Variants in ADGRE3 observed in about 807,000 individuals in gnomAD.
ADGRE3 encodes the protein EGF-like module receptor 3.
A neutral mutation model predicts 80.1 loss-of-function variants in ADGRE3; 88 were observed. The observed-to-expected ratio is 1.10, with a 90% confidence interval of 0.93 to 1.31. ADGRE3 has a LOEUF of 1.31. Among genes scored for constraint, ADGRE3 ranks in the 40% most tolerant of loss-of-function variants. The pLI, the probability that ADGRE3 is intolerant of heterozygous loss-of-function variation, is 0.00. For missense variants in ADGRE3, 715 were observed against 776.5 expected (o/e 0.92, Z 0.94); for synonymous variants, 281 against 294.8 (o/e 0.95, Z 0.48).
intron 11 of ADGRE3, among the ~76,000 whole-genome samples, chr19:14,635,003 C>T (rs1418586834): frequency 1.3e-5 from 2 of 152,178 alleles, no homozygotes; most frequent in Non-Finnish European, 2.9e-5. Context: ...AAGCCAGTTT[C>T]AGTTAGTTTA....
At chr19:14,633,776 C>T (rs1179068147) in intron 11 of ADGRE3, among the ~76,000 whole-genome samples, 3 of 109,542 alleles carry the variant, frequency 2.7e-5, no homozygotes, top group African/African-American at 7.0e-5. Flanking sequence ...ATGACAATAG[C>T]TTTTTTTTTT....
downstream of ADGRE3, among the ~76,000 whole-genome samples, chr19:14,617,322 T>TCCC (rs1599593800): frequency 2.6e-5 from 2 of 77,934 alleles, no homozygotes; most frequent in East Asian, 4.0e-4. Flanking sequence ...TTCCCCTTGC[T>TCCC]TCCCTCCCTC....
downstream of ADGRE3, among the ~76,000 whole-genome samples, chr19:14,617,361 T>TCTTG (rs2075085644): frequency 2.5e-5 from 3 of 121,246 alleles, no homozygotes; most frequent in African/African-American, 9.4e-5. Context: ...TTTCTTTCTT[T>TCTTG]CTTTCTTTCT....
At chr19:14,620,560 ATATATATATTTTTTTTTTTTTTTTTTT>A (rs1970565349) in intron 15 of ADGRE3, among the ~76,000 whole-genome samples, 1 of 23,706 alleles carries the variant, frequency 4.2e-5, no homozygotes, top group Non-Finnish European at 7.5e-5. Context: ...ATATATATAT[ATATATATATTTTTTTTTTTTTTTTTTT>A]TTTTTTTTTT....
the ADGRE3 span, among the ~76,000 whole-genome samples, chr19:14,612,944 G>A: frequency 1.9e-4 from 26 of 136,918 alleles, no homozygotes; most frequent in East Asian, 4.9e-3. Context: ...TTTTTTTTTT[G>A]TGACAGAGTC....
intron 4 of ADGRE3, among the ~76,000 whole-genome samples, chr19:14,661,102 C>A (rs1316749895): frequency 6.6e-6 from 1 of 152,000 alleles, no homozygotes; most frequent in African/African-American, 2.4e-5. Flanking sequence ...CCACCACACC[C>A]AGCTAATTTT....
chr19:14,611,507 A>C, the ADGRE3 span, among the ~76,000 whole-genome samples: 2 of 150,152 alleles, frequency 1.3e-5, no homozygotes, highest in Non-Finnish European at 2.9e-5. Flanking sequence ...CCTCCCAAGT[A>C]GCTGGGACTA....
intron 13 of ADGRE3, among the ~76,000 whole-genome samples, chr19:14,631,060 A>G (rs2894655): frequency 6.6e-6 from 1 of 151,984 alleles, no homozygotes; most frequent in Non-Finnish European, 1.5e-5. Flanking sequence ...TTAGTAGAGA[A>G]GGGGTTTCAC....
At chr19:14,637,361 C>A (rs1270966158) in intron 11 of ADGRE3, among the ~76,000 whole-genome samples, 1 of 150,298 alleles carries the variant, frequency 6.7e-6, no homozygotes, top group Non-Finnish European at 1.5e-5. Context: ...CTTCTCTCAT[C>A]TTCTCGCTTG....
chr19:14,604,049 G>T, the ADGRE3 span, among the ~76,000 whole-genome samples: 1 of 152,124 alleles, frequency 6.6e-6, no homozygotes, highest in South Asian at 2.1e-4. Context: ...TTTTCCTGCT[G>T]TTCTTGGGCA....
chr19:14,600,885 G>A, the ADGRE3 span, among the ~76,000 whole-genome samples: 4 of 140,938 alleles, frequency 2.8e-5, no homozygotes, highest in African/African-American at 1.1e-4. Context: ...CACCACGCTC[G>A]GCCTTCTTTT....
chr19:14,607,485 G>A, the ADGRE3 span, among the ~76,000 whole-genome samples: 1 of 151,814 alleles, frequency 6.6e-6, no homozygotes, highest in Non-Finnish European at 1.5e-5. Flanking sequence ...TTACAGGCGT[G>A]AGCCACCGCG....
intron 11 of ADGRE3, among the ~76,000 whole-genome samples, chr19:14,636,673 G>T (rs1178510103): frequency 6.6e-6 from 1 of 152,082 alleles, no homozygotes; most frequent in East Asian, 1.9e-4. Context: ...AGGATTCACT[G>T]CCAGGTCAGC....
chr19:14,649,191 CCT>C (rs775759889), intron 7 of ADGRE3, among the ~76,000 whole-genome samples: 5 of 139,486 alleles, frequency 3.6e-5, no homozygotes, highest in Non-Finnish European at 7.8e-5. Context: ...CACCTCTCTC[CCT>C]CTCTCTCTTT....
chr19:14,659,822 G>GGAAAAAAA (rs576784578), intron 4 of ADGRE3, among the ~76,000 whole-genome samples: 3 of 44,818 alleles, frequency 6.7e-5, no homozygotes, highest in Non-Finnish European at 1.2e-4. Context: ...CTCTGCCTCT[G>GGAAAAAAA]AAAAAAAAAA....
intron 7 of ADGRE3, among the ~76,000 whole-genome samples, chr19:14,650,302 ATC>A (rs2146864713): frequency 8.5e-6 from 1 of 117,556 alleles, no homozygotes; most frequent in Admixed American, 9.1e-5. Context: ...CACTCTCCCC[ATC>A]TCTCTTTTCT....
intron 14 of ADGRE3, among the ~76,000 whole-genome samples, 174 bp downstream of exon 14, chr19:14,629,865 T>G (rs181223913): frequency 2.0e-5 from 3 of 152,186 alleles, no homozygotes; most frequent in African/African-American, 4.8e-5. Flanking sequence ...TGTTAATAAA[T>G]GATGTATCTT....
chr19:14,651,946 G>A (rs936604001), intron 6 of ADGRE3, among the ~76,000 whole-genome samples: 1 of 152,152 alleles, frequency 6.6e-6, no homozygotes, highest in African/African-American at 2.4e-5. Context: ...GGAGGCTGAG[G>A]CACGAGAATA....
intron 2 of ADGRE3, among the ~76,000 whole-genome samples, chr19:14,666,005 G>T: frequency 9.7e-6 from 1 of 102,926 alleles, no homozygotes; most frequent in African/African-American, 3.6e-5. Flanking sequence ...CGTGTTGATT[G>T]ATGGGCATTT....
Sources: gnomAD v4.1 joint callset for allele counts (sites outside exome capture counted in the v4.1 genomes callset) on GRCh38, gnomAD v4.1.1 for gene constraint, MANE v1.5 for transcripts, NCBI Gene and HGNC (gene_info 2026-07-23, HGNC 2026-07-21) for gene names.